Variants in DIP2C observed in about 807,000 individuals in gnomAD.
DIP2C encodes the protein disco-interacting protein 2 homolog C.
A neutral mutation model predicts 192.4 loss-of-function variants in DIP2C; 33 were observed. That is an observed-to-expected ratio of 0.17 (90% CI 0.13 to 0.23). DIP2C has a LOEUF of 0.23. Ranked by LOEUF, DIP2C falls within the 10% of genes least tolerant of loss-of-function variation. The probability of loss-of-function intolerance (pLI) is 1.00; values close to 1 mark genes in which losing one functional copy is unlikely to be tolerated. For missense variants in DIP2C, 1,537 were observed against 2,110.1 expected (o/e 0.73, Z 5.32); for synonymous variants, 979 against 864.1 (o/e 1.13, Z -2.33).
Position 568,800 on chromosome 10 carries a change from C to CAAAAAA in DIP2C, c.86-82271_86-82270insTTTTTT, listed in dbSNP as rs1554739052. Among the ~76,000 whole-genome samples the CAAAAAA allele has an allele frequency of 3.3e-3, 31 of 9,526 alleles. 1 individual carries two copies. The highest frequency in any genetic ancestry group is 0.012 in the South Asian group (3 of 252). 6.2% of individuals were successfully genotyped at this position (9,526 alleles called of 152,430 possible). ...AAAAAAAAAAAAAAAAAAAAAAAAC[C>CAAAAAA]TTCACTTGATCTGCAAGATGGCTGT... On this transcript the variant is annotated intron_variant, in intron 1 of 36. Coordinates refer to ENST00000280886, the MANE Select transcript of DIP2C (RefSeq NM_014974.3).
chr10:402,466 C>T (rs1964523053), intron 9 of DIP2C, among the ~76,000 whole-genome samples: 1 of 15,604 alleles, frequency 6.4e-5, no homozygotes, highest in African/African-American at 7.2e-5. Flanking sequence ...CACATGAATC[C>T]TGTGATTTTA....
intron 1 of DIP2C, among the ~76,000 whole-genome samples, chr10:563,215 T>C (rs1052926089): frequency 2.6e-4 from 39 of 152,368 alleles, no homozygotes; most frequent in Admixed American, 2.2e-3. Context: ...CAGGCGGGCT[T>C]GGTGCATCCA....
At chr10:377,894 C>G (rs1019549310) in intron 17 of DIP2C, among the ~76,000 whole-genome samples, 2 of 152,126 alleles carry the variant, frequency 1.3e-5, no homozygotes, top group Non-Finnish European at 2.9e-5. Context: ...ACTAAAATAT[C>G]AGGGTATCCA....
chr10:365,220 G>A (rs1440872175), intron 19 of DIP2C, among the ~76,000 whole-genome samples: 1 of 152,164 alleles, frequency 6.6e-6, no homozygotes, highest in Non-Finnish European at 1.5e-5. Context: ...TGTAACATCT[G>A]TTCAGCCACA....
chr10:599,162 C>G (rs1339427848), intron 1 of DIP2C, among the ~76,000 whole-genome samples: 1 of 152,140 alleles, frequency 6.6e-6, no homozygotes, highest in African/African-American at 2.4e-5. Context: ...GGGAGGAGGG[C>G]AGAATAATGC....
intron 1 of DIP2C, among the ~76,000 whole-genome samples, chr10:640,388 C>T (rs1855104394): frequency 6.6e-6 from 1 of 152,252 alleles, no homozygotes; most frequent in African/African-American, 2.4e-5. Flanking sequence ...TCACCTCTCC[C>T]CTGCACTTCA....
chr10:583,430 C>G (rs1216328251), intron 1 of DIP2C, among the ~76,000 whole-genome samples: 1 of 152,228 alleles, frequency 6.6e-6, no homozygotes, highest in African/African-American at 2.4e-5. Flanking sequence ...AGGTCCTTTA[C>G]GGAAGGTTCA....
At chr10:521,962 C>T (rs1846736549) in intron 1 of DIP2C, among the ~76,000 whole-genome samples, 1 of 151,960 alleles carries the variant, frequency 6.6e-6, no homozygotes, top group Non-Finnish European at 1.5e-5. Context: ...ATAGCTCACA[C>T]GAGGTCTCAG....
rs80276603 is a variant in DIP2C at position 490,280 on chromosome 10, C to T, written c.86-3750G>A. Among the ~76,000 whole-genome samples the T allele has an allele frequency of 3.8e-3, 577 of 152,354 alleles. 6 individuals are homozygous for T. Among genetic ancestry groups the T allele is most frequent in the African/African-American group, 0.013 (554 of 41,578 alleles). ...ATTCCTGCCTCTCTTCTCTCCCTCTCACCTTGCGTCCATCAGGGCATGTGG... is the reference window on the plus strand; with the variant it reads ...ATTCCTGCCTCTCTTCTCTCCCTCTTACCTTGCGTCCATCAGGGCATGTGG... On this transcript the variant is annotated intron_variant, in intron 1 of 36. Transcript: ENST00000280886.
intron 2 of DIP2C, 89 bp downstream of exon 2, chr10:486,370 G>T: frequency 7.8e-7 from 1 of 1,284,170 alleles, no homozygotes; most frequent in Non-Finnish European, 1.1e-6. Context: ...CGACTGGGAA[G>T]CAAGGGAGCG....
chr10:604,772 T>C (rs979175589), intron 1 of DIP2C, among the ~76,000 whole-genome samples: 17 of 152,196 alleles, frequency 1.1e-4, no homozygotes, highest in Admixed American at 1.1e-3. Context: ...ATGTTTAATT[T>C]AGGGGGTTTG....
intron 1 of DIP2C, among the ~76,000 whole-genome samples, chr10:490,465 GATGGGAACGTCATCC>G (rs1844350811): frequency 6.6e-6 from 1 of 152,170 alleles, no homozygotes. Context: ...ACCTGGAAGC[GATGGGAACGTCATCC>G]AAGGCTATTT....
Position 571,876 on chromosome 10 carries a change from C to T in DIP2C, c.86-85346G>A, listed in dbSNP as rs142598332. 3.7e-3 allele frequency among the ~76,000 whole-genome samples: 558 copies of T among 152,278 alleles called. 1 individual carries two copies. The highest frequency in any genetic ancestry group is 5.2e-3 in the Non-Finnish European group (354 of 68,030). On this transcript the variant is annotated intron_variant, in intron 1 of 36. Transcript: ENST00000280886. The stretch of plus-strand genomic sequence containing the variant: ...AGGCCCAGGGCAGTAGGGAGAGCAC[C>T]GTGCTCATAATGTAAGCAGTTCAGC...
intron 17 of DIP2C, among the ~76,000 whole-genome samples, chr10:373,516 G>A (rs1961227402): frequency 6.6e-6 from 1 of 152,196 alleles, no homozygotes; most frequent in Non-Finnish European, 1.5e-5. Context: ...TTGCAGGTCT[G>A]ACATAATGTA....
intron 5 of DIP2C, among the ~76,000 whole-genome samples, chr10:422,394 C>G (rs907721780): frequency 6.6e-6 from 1 of 152,180 alleles, no homozygotes; most frequent in African/African-American, 2.4e-5. Context: ...AGAACCTACA[C>G]AAAGCAGTGT....
chr10:672,313 C>T (rs1047771364), intron 1 of DIP2C, among the ~76,000 whole-genome samples: 2 of 151,600 alleles, frequency 1.3e-5, no homozygotes, highest in African/African-American at 2.4e-5. Context: ...ATGGAGAAAA[C>T]GCCACAGACC....
intron 2 of DIP2C, among the ~76,000 whole-genome samples, chr10:477,804 A>G (rs890633939): frequency 7.4e-6 from 1 of 135,382 alleles, no homozygotes; most frequent in African/African-American, 3.0e-5. Context: ...GGAAGGAAGG[A>G]AAGAGAAGGA....
At chr10:584,651 C>CAGAT in intron 1 of DIP2C, among the ~76,000 whole-genome samples, 1 of 109,872 alleles carries the variant, frequency 9.1e-6, no homozygotes, top group African/African-American at 3.9e-5. Context: ...CATCACCTCT[C>CAGAT]AATCTCGGGG....
chr10:567,072 A>G (rs956192724), intron 1 of DIP2C, among the ~76,000 whole-genome samples: 1 of 152,264 alleles, frequency 6.6e-6, no homozygotes, highest in Non-Finnish European at 1.5e-5. Context: ...CACAAAACCC[A>G]GATCAGCATC....
Sources: gnomAD v4.1 joint callset for allele counts (sites outside exome capture counted in the v4.1 genomes callset) on GRCh38, gnomAD v4.1.1 for gene constraint, MANE v1.5 for transcripts, NCBI Gene and HGNC (gene_info 2026-07-23, HGNC 2026-07-21) for gene names.